The following PBX3 variants were observed in gnomAD, a reference collection of about 807,000 sequenced individuals.
The protein encoded by PBX3 is PBX homeobox 3, also known as pre-B-cell leukemia transcription factor 3.
A neutral mutation model predicts 48.5 loss-of-function variants in PBX3; 14 were observed. That is an observed-to-expected ratio of 0.29 (90% CI 0.19 to 0.45). The LOEUF (loss-of-function observed/expected upper bound fraction) is 0.45, where lower values mean the gene tolerates loss of function less well. Ranked by LOEUF, PBX3 falls within the 20% of genes least tolerant of loss-of-function variation. The pLI is 1.00. For missense variants in PBX3, 386 were observed against 546.7 expected, an observed-to-expected ratio of 0.71 and a Z score of 2.93; for synonymous variants, 210 against 200.3, an observed-to-expected ratio of 1.05 and a Z score of -0.41.
chr9:125,830,069 A>G (rs1421694479), intron 2 of PBX3, among the ~76,000 whole-genome samples: 1 of 152,228 alleles, frequency 6.6e-6, no homozygotes, highest in Non-Finnish European at 1.5e-5. Flanking sequence ...AGCTTGATTA[A>G]AAGTGAAAGG....
chr9:125,891,884 C>T (rs1299339556), intron 2 of PBX3, among the ~76,000 whole-genome samples: 1 of 151,990 alleles, frequency 6.6e-6, no homozygotes, highest in East Asian at 1.9e-4. Flanking sequence ...AGGGAGCTTC[C>T]GAAATTAGGC....
Position 125,843,360 on chromosome 9 carries a change from A to C in PBX3, c.275-72326A>C, listed in dbSNP as rs1839337401. On this transcript the variant is annotated intron_variant, in intron 2 of 8. Coordinates refer to ENST00000373489, the MANE Select transcript of PBX3 (RefSeq NM_006195.6). ...AAAGGGATGGTTCTCAACCCTACGGATGTAGATGTTAACTAATTCTTATTT... is the reference window on the plus strand; with the variant it reads ...AAAGGGATGGTTCTCAACCCTACGGCTGTAGATGTTAACTAATTCTTATTT... Among the ~76,000 whole-genome samples, 3 of 152,264 alleles carry C rather than the reference A, an allele frequency of 2.0e-5. 1 individual carries two copies. In the South Asian group the frequency reaches 6.2e-4, roughly 32 times the overall value.
chr9:125,952,462 A>C (rs1842214531), intron 5 of PBX3, among the ~76,000 whole-genome samples: 1 of 152,248 alleles, frequency 6.6e-6, no homozygotes, highest in South Asian at 2.1e-4. Context: ...GAAACATAAG[A>C]TACAATTAAA....
At chr9:125,777,999 T>C (rs1837123452) in intron 2 of PBX3, among the ~76,000 whole-genome samples, 1 of 151,116 alleles carries the variant, frequency 6.6e-6, no homozygotes, top group Admixed American at 6.6e-5. Context: ...GTCACTTCGT[T>C]GCCCAGGCTG....
chr9:125,804,964 A>AG (rs1458883786), intron 2 of PBX3, among the ~76,000 whole-genome samples: 16 of 150,034 alleles, frequency 1.1e-4, no homozygotes, highest in African/African-American at 4.0e-4. Context: ...AAAAAAAAAA[A>AG]AAGAAGAAGA....
At chr9:125,784,012 A>G (rs1315281365) in intron 2 of PBX3, among the ~76,000 whole-genome samples, 1 of 152,146 alleles carries the variant, frequency 6.6e-6, no homozygotes, top group Non-Finnish European at 1.5e-5. Context: ...AAAGAAAAAA[A>G]CAAACAAAAA....
At chr9:125,872,299 T>C (rs927529068) in intron 2 of PBX3, among the ~76,000 whole-genome samples, 2 of 152,136 alleles carry the variant, frequency 1.3e-5, no homozygotes, top group South Asian at 4.1e-4. Context: ...AAGTAAAGAT[T>C]GTCAGAGGGT....
chr9:125,930,609 C>G (rs189434213), intron 4 of PBX3, among the ~76,000 whole-genome samples: 70 of 152,270 alleles, frequency 4.6e-4, no homozygotes, highest in Non-Finnish European at 8.2e-4. Context: ...TAATTATCAT[C>G]CAAATCTCAC....
chr9:125,838,022 T>C (rs1381618368), intron 2 of PBX3, among the ~76,000 whole-genome samples: 1 of 152,194 alleles, frequency 6.6e-6, no homozygotes, highest in Non-Finnish European at 1.5e-5. Flanking sequence ...TGCCATGTAT[T>C]TGATACCATA....
intron 2 of PBX3, among the ~76,000 whole-genome samples, chr9:125,778,389 C>T (rs907766392): frequency 6.6e-6 from 1 of 152,038 alleles, no homozygotes; most frequent in Admixed American, 6.5e-5. Context: ...TCCCGAATAG[C>T]TGGGATTACA....
chr9:125,916,891 T>A (rs1045185481), intron 3 of PBX3, among the ~76,000 whole-genome samples: 1 of 152,114 alleles, frequency 6.6e-6, no homozygotes, highest in Non-Finnish European at 1.5e-5. Context: ...ATAATGAGAA[T>A]AGTATTAGAT....
chr9:125,785,386 A>G (rs1837431755), intron 2 of PBX3, among the ~76,000 whole-genome samples: 1 of 152,160 alleles, frequency 6.6e-6, no homozygotes, highest in Non-Finnish European at 1.5e-5. Context: ...AGGTGGGGTA[A>G]CCTGGCTTGC....
At chr9:125,843,404 T>C (rs1839338409) in intron 2 of PBX3, among the ~76,000 whole-genome samples, 1 of 152,140 alleles carries the variant, frequency 6.6e-6, no homozygotes, top group Admixed American at 6.6e-5. Context: ...TGGGGCCTGG[T>C]ATGGTCATAT....
intron 2 of PBX3, among the ~76,000 whole-genome samples, chr9:125,902,292 T>C (rs973046694): frequency 4.0e-5 from 6 of 151,718 alleles, no homozygotes; most frequent in African/African-American, 1.4e-4. Flanking sequence ...AGTGTTATTC[T>C]GTTAAGTAGT....
chr9:125,928,998 C>G (rs1841652723), intron 3 of PBX3, among the ~76,000 whole-genome samples: 1 of 152,210 alleles, frequency 6.6e-6, no homozygotes, highest in African/African-American at 2.4e-5. Context: ...ATTTGCCATT[C>G]TCTGAACTTG....
intron 2 of PBX3, among the ~76,000 whole-genome samples, chr9:125,846,071 A>G (rs1839420093): frequency 6.6e-6 from 1 of 152,074 alleles, no homozygotes; most frequent in South Asian, 2.1e-4. Flanking sequence ...AAATTATGAG[A>G]TTTATGTGGG....
At chr9:125,847,409 G>C (rs948104573) in intron 2 of PBX3, among the ~76,000 whole-genome samples, 1 of 151,894 alleles carries the variant, frequency 6.6e-6, no homozygotes, top group Non-Finnish European at 1.5e-5. Flanking sequence ...TGTTATAGCT[G>C]TGTGATAGAA....
chr9:125,952,813 T>A (rs1842220996), intron 5 of PBX3, among the ~76,000 whole-genome samples: 1 of 152,168 alleles, frequency 6.6e-6, no homozygotes, highest in Non-Finnish European at 1.5e-5. Flanking sequence ...ATTTAAAAAA[T>A]CCTAATGCTT....
intron 2 of PBX3, among the ~76,000 whole-genome samples, chr9:125,914,756 A>T (rs1841287853): frequency 6.6e-6 from 1 of 152,214 alleles, no homozygotes; most frequent in Non-Finnish European, 1.5e-5. Context: ...ATTATGTTAC[A>T]CATTAATGAA....
Sources: gnomAD v4.1 joint callset for allele counts (sites outside exome capture counted in the v4.1 genomes callset) on GRCh38, gnomAD v4.1.1 for gene constraint, MANE v1.5 for transcripts, NCBI Gene and HGNC (gene_info 2026-07-23, HGNC 2026-07-21) for gene names.